Variants in ZRSR2 observed in about 807,000 individuals in gnomAD.
ZRSR2 encodes the protein zinc finger CCCH-type, RNA binding motif and serine/arginine rich 2.
ZRSR2 carries 3 observed loss-of-function variants against 39.4 expected under a neutral mutation model. The ratio of observed to expected loss-of-function variants is 0.08; its 90% CI spans 0.03 to 0.20. ZRSR2 has a LOEUF of 0.20. Among genes scored for constraint, ZRSR2 ranks in the 10% least tolerant of loss-of-function variants. The pLI is 1.00. For missense variants in ZRSR2, 256 were observed against 391.5 expected (o/e 0.65, Z 2.92); for synonymous variants, 137 against 136.0 (o/e 1.01, Z -0.05).
At chrX:15,792,248 C>A (rs1443769512) in intron 2 of ZRSR2, among the ~76,000 whole-genome samples, 3 of 111,993 alleles carry the variant, frequency 2.7e-5, no homozygotes, top group Admixed American at 9.4e-5. Flanking sequence ...CATGATGAAA[C>A]CCTGCCTCTA....
chrX:15,812,196 T>G (rs1328582890), intron 7 of ZRSR2, among the ~76,000 whole-genome samples: 1 of 112,396 alleles, frequency 8.9e-6, no homozygotes, highest in East Asian at 2.8e-4. Flanking sequence ...CCCAAAGTGC[T>G]AGGATTACAG....
chrX:15,800,363 T>A (rs1177216882), intron 3 of ZRSR2, among the ~76,000 whole-genome samples: 2 of 109,001 alleles, frequency 1.8e-5, no homozygotes, highest in African/African-American at 3.3e-5. Context: ...ATTTTTGTAT[T>A]TTTAGTAGAG....
At chrX:15,800,092 A>C (rs953502602) in intron 3 of ZRSR2, 139 bp downstream of exon 3, 37 of 328,926 alleles carry the variant, frequency 1.1e-4, no homozygotes, top group Middle Eastern at 7.4e-4. Flanking sequence ...AAAGTATTTA[A>C]ATCTGTAGTT....
intron 10 of ZRSR2, 49 bp downstream of exon 10, chrX:15,820,365 T>C: frequency 9.2e-7 from 1 of 1,088,759 alleles, no homozygotes; most frequent in Non-Finnish European, 1.3e-6. Flanking sequence ...CACTGCTATA[T>C]AAAGGGATAT....
chrX:15,796,995 T>C (rs893036055), intron 2 of ZRSR2, among the ~76,000 whole-genome samples: 4 of 107,197 alleles, frequency 3.7e-5, no homozygotes, highest in Non-Finnish European at 5.8e-5. Flanking sequence ...GGTTTCGCCA[T>C]GTTGGCCAGG....
chrX:15,808,605 C>CT (rs909738500), intron 6 of ZRSR2, among the ~76,000 whole-genome samples: 6 of 107,057 alleles, frequency 5.6e-5, no homozygotes, highest in South Asian at 4.0e-4. Flanking sequence ...TTCTTGGACC[C>CT]TTTTTTTTCT....
Position 15,797,693 on chromosome X carries a change from G to A in ZRSR2, c.122-2179G>A, listed in dbSNP as rs756077016. On this transcript the variant is annotated intron_variant, in intron 2 of 10. Transcript: ENST00000307771. ...GCAAATATCCCCTAAATGTTCCAGTGTGTTTACTGAAAAAAAATCTGTATT... is the reference window on the plus strand; with the variant it reads ...GCAAATATCCCCTAAATGTTCCAGTATGTTTACTGAAAAAAAATCTGTATT... 1.8e-4 allele frequency among the ~76,000 whole-genome samples: 20 copies of A among 109,356 alleles called. 1 individual carries two copies. The South Asian group carries it at 7.0e-3, about 38-fold the overall frequency. 95.0% of individuals were successfully genotyped at this position (109,356 alleles called of 115,157 possible).
intron 7 of ZRSR2, among the ~76,000 whole-genome samples, chrX:15,810,406 A>C (rs1244851443): frequency 8.9e-6 from 1 of 111,925 alleles, no homozygotes; most frequent in Non-Finnish European, 1.9e-5. Flanking sequence ...GCAGAAGAGA[A>C]GATCTAATCA....
intron 9 of ZRSR2, among the ~76,000 whole-genome samples, chrX:15,819,191 G>A (rs1933042888): frequency 9.0e-6 from 1 of 110,872 alleles, no homozygotes; most frequent in Admixed American, 9.6e-5. Context: ...AATAATATAA[G>A]CCGGGCATGG....
In ZRSR2 at chrX:15,790,510, G is replaced by A. The variant is rs1162672398; in HGVS notation, c.15G>A (p.Glu5=). 10 of 1,160,336 alleles carry A rather than the reference G, an allele frequency of 8.6e-6. 1 individual carries two copies. The highest frequency in any genetic ancestry group is 1.1e-6 in the Non-Finnish European group (1 of 871,300). Residue 5 remains glutamate (E), a synonymous_variant, in exon 1 of 11, where the codon GAG becomes GAA. Coordinates refer to ENST00000307771, the MANE Select transcript of ZRSR2 (RefSeq NM_005089.4). MAAP[E]KMTFPEKPSH... ...GTGCCGGCAAGATGGCTGCGCCCGAGAAGATGACGTTTCCCGAGAAACCAA... is the reference window on the plus strand; with the variant it reads ...GTGCCGGCAAGATGGCTGCGCCCGAAAAGATGACGTTTCCCGAGAAACCAA...
At position 15,815,833 on chromosome X, in the gene ZRSR2, C is replaced by G; in HGVS notation, c.714C>G (p.Asp238Glu). Residue 238 changes from aspartate to glutamate, a missense_variant, in exon 8 of 11, where the codon GAC becomes GAG. Asp to Glu is a conservative substitution (Grantham distance 45). This residue lies in a region of ZRSR2 where 58 missense variants were observed against 163.1 expected (regional missense o/e 0.36). Transcript: ENST00000307771. ...AAGAAACCTACCAACAGTTCCTAGACTTCTATGAGGATGTGTTGCCCGAGT... is the reference window on the plus strand; with the variant it reads ...AAGAAACCTACCAACAGTTCCTAGAGTTCTATGAGGATGTGTTGCCCGAGT... The part of the protein sequence containing the change: ...SEEETYQQFL[D>E]FYEDVLPEFK... The G allele has an allele frequency of 8.3e-6, 10 of 1,210,173 alleles. No individual in the cohort carries two copies. The highest frequency in any genetic ancestry group is 1.1e-5 in the Non-Finnish European group (10 of 894,985).
chrX:15,796,822 C>G (rs1472532519), intron 2 of ZRSR2, among the ~76,000 whole-genome samples: 1 of 71,834 alleles, frequency 1.4e-5, no homozygotes, highest in African/African-American at 5.8e-5. Flanking sequence ...GAGACAGAGT[C>G]TCGCTCTGTC....
intron 5 of ZRSR2, 116 bp from the exon 6 acceptor site, chrX:15,808,117 A>ATTAAAC: frequency 1.6e-6 from 1 of 629,721 alleles, no homozygotes; most frequent in Admixed American, 2.6e-5. Flanking sequence ...AGAAAACTAG[A>ATTAAAC]ACTTGTGTGC....
chrX:15,791,643 CT>C lies in ZRSR2; in HGVS notation c.121+634del, dbSNP rs1259434207. On this transcript the variant is annotated intron_variant, in intron 2 of 10. Transcript: ENST00000307771. ...CACCACCACACCTGGCTAATTTTTTCTTTTCTTTTCTTTTTTTTTTTTTTTT... is the reference window on the plus strand; with the variant it reads ...CACCACCACACCTGGCTAATTTTTTCTTTCTTTTCTTTTTTTTTTTTTTTT... Among the ~76,000 whole-genome samples, 3 of 84,701 alleles carry C rather than the reference CT, an allele frequency of 3.5e-5. No individual in the cohort carries two copies. In the East Asian group the frequency reaches 1.3e-3, roughly 35 times the overall value. 73.6% of individuals were successfully genotyped at this position (84,701 alleles called of 115,157 possible).
At chrX:15,800,132 T>TA (rs1569065624) in intron 3 of ZRSR2, among the ~76,000 whole-genome samples, 179 bp downstream of exon 3, 1 of 111,027 alleles carries the variant, frequency 9.0e-6, no homozygotes, top group East Asian at 2.8e-4. Flanking sequence ...TTATTTTTTT[T>TA]AAAAATGGAA....
intron 1 of ZRSR2, 188 bp from the exon 2 acceptor site, chrX:15,790,743 TGGA>T (rs1932244875): frequency 3.2e-6 from 2 of 629,601 alleles, no homozygotes. Flanking sequence ...GGTTGGCGGA[TGGA>T]GAAGAACTGT....
intron 7 of ZRSR2, among the ~76,000 whole-genome samples, chrX:15,812,039 C>T (rs1932893057): frequency 1.8e-5 from 2 of 111,584 alleles, no homozygotes; most frequent in Middle Eastern, 4.6e-3. Context: ...GCGCCATTCT[C>T]CTGCCTCAGC....
intron 7 of ZRSR2, among the ~76,000 whole-genome samples, chrX:15,814,147 A>G (rs1232004316): frequency 9.5e-6 from 1 of 104,847 alleles, no homozygotes; most frequent in Non-Finnish European, 2.0e-5. Context: ...AATTTTGTTT[A>G]TTTGGAACCT....
chrX:15,803,082 A>T (rs1195983505), intron 3 of ZRSR2, among the ~76,000 whole-genome samples: 1 of 108,760 alleles, frequency 9.2e-6, no homozygotes, highest in Non-Finnish European at 1.9e-5. Context: ...GGCCAACATG[A>T]TGAAACGCTG....
Sources: gnomAD v4.1 joint callset for allele counts (sites outside exome capture counted in the v4.1 genomes callset) on GRCh38, gnomAD v4.1.1 for gene constraint, gnomAD v4.1.1 regional missense constraint, MANE v1.5 for transcripts, NCBI Gene and HGNC (gene_info 2026-07-23, HGNC 2026-07-21) for gene names.